The following PDE4D variants were observed in gnomAD, a reference collection of about 807,000 sequenced individuals.
PDE4D encodes 3',5'-cyclic-AMP phosphodiesterase 4D.
Under a neutral mutation model 87.4 loss-of-function variants are expected in PDE4D, and 24 were observed. The ratio of observed to expected loss-of-function variants is 0.27; its 90% CI spans 0.20 to 0.39. PDE4D has a LOEUF of 0.39. PDE4D is among the 10% of genes least tolerant of loss of function. The pLI is 1.00. For missense variants in PDE4D, 714 were observed against 1,041.0 expected (o/e 0.69, Z 4.32); for synonymous variants, 384 against 383.2 (o/e 1.00, Z -0.02).
rs183306455 is a variant in PDE4D at position 59,912,003 on chromosome 5, A to C, written c.272+76485T>G. On this transcript the variant is annotated intron_variant, in intron 3 of 16. Coordinates refer to the PDE4D transcript ENST00000502484. Reference sequence around the variant, plus strand: ...TTATTATTATTTAAATTTTCATAGAATATTCTTTTTCCAAACAATAAAGTA... The same window carrying C: ...TTATTATTATTTAAATTTTCATAGACTATTCTTTTTCCAAACAATAAAGTA... 5.3e-4 allele frequency among the ~76,000 whole-genome samples: 80 copies of C among 152,292 alleles called. 2 individuals are homozygous for C. The highest frequency in any genetic ancestry group is 4.8e-3 in the Admixed American group (74 of 15,290).
chr5:59,806,270 C>A (rs1258616267), intron 1 of PDE4D, among the ~76,000 whole-genome samples: 1 of 152,174 alleles, frequency 6.6e-6, no homozygotes, highest in Non-Finnish European at 1.5e-5. Flanking sequence ...ACCAACTCAC[C>A]TTGGAGCAGA....
At chr5:59,165,426 A>G (rs1781782486) in intron 5 of PDE4D, among the ~76,000 whole-genome samples, 1 of 152,032 alleles carries the variant, frequency 6.6e-6, no homozygotes, top group Admixed American at 6.5e-5. Flanking sequence ...GGTGTGCAAC[A>G]CCATGTCTGG....
At chr5:58,993,661 C>A (rs1031704631) in intron 6 of PDE4D, among the ~76,000 whole-genome samples, 196 bp from the exon 7 acceptor site, 1 of 152,152 alleles carries the variant, frequency 6.6e-6, no homozygotes, top group Non-Finnish European at 1.5e-5. Context: ...ATAGCAGTCA[C>A]TAGCCACAGG....
chr5:60,375,312 G>A (rs958973621), intron 1 of PDE4D, among the ~76,000 whole-genome samples: 1 of 152,222 alleles, frequency 6.6e-6, no homozygotes, highest in Non-Finnish European at 1.5e-5. Flanking sequence ...AAACATTGTT[G>A]AATGAATGAA....
chr5:59,251,578 G>C (rs938618727), intron 1 of PDE4D, among the ~76,000 whole-genome samples: 1 of 152,108 alleles, frequency 6.6e-6, no homozygotes, highest in African/African-American at 2.4e-5. Context: ...ACTTTTGGTG[G>C]GAGTGTAAAT....
At chr5:60,326,732 C>T (rs73106753) in intron 1 of PDE4D, among the ~76,000 whole-genome samples, 8,360 of 152,198 alleles carry the variant, frequency 0.055, 772 homozygotes, top group African/African-American at 0.19. Flanking sequence ...AAAGAACTCA[C>T]AGATTGTTTC....
intron 1 of PDE4D, among the ~76,000 whole-genome samples, chr5:59,817,238 A>G (rs781453265): frequency 6.6e-5 from 10 of 152,182 alleles, no homozygotes; most frequent in Non-Finnish European, 1.3e-4. Context: ...CCTCTCCCTC[A>G]TTTAGATCAC....
chr5:59,276,232 C>T (rs971254624), intron 1 of PDE4D: 2 of 662,592 alleles, frequency 3.0e-6, no homozygotes, highest in East Asian at 1.4e-4. Flanking sequence ...GCACTGTAAA[C>T]CGGCCAAGCA....
chr5:60,434,991 G>C (rs1744649609), intron 1 of PDE4D, among the ~76,000 whole-genome samples: 1 of 152,044 alleles, frequency 6.6e-6, no homozygotes, highest in South Asian at 2.1e-4. Context: ...ACTGACTTAT[G>C]GCATGAAATT....
rs544701952 is a variant in PDE4D at position 59,761,737 on chromosome 5, TACCTCCTGAGGG to T, written c.455+131419_455+131430del. 9.2e-5 allele frequency among the ~76,000 whole-genome samples: 14 copies of T among 152,264 alleles called. No individual in the cohort carries two copies. In the South Asian group the frequency reaches 2.7e-3, roughly 29 times the overall value. On this transcript the variant is annotated intron_variant, in intron 1 of 14. Coordinates refer to ENST00000340635, the MANE Select transcript of PDE4D (RefSeq NM_001104631.2). ...TATGAGAACAATGCCCTCTTCTAGA[TACCTCCTGAGGG>T]ACCTACCTGAGGCTGTTTTATAGTT... is the stretch of plus-strand genomic sequence containing the variant.
intron 1 of PDE4D, among the ~76,000 whole-genome samples, chr5:60,346,815 T>C (rs1758785094): frequency 6.6e-6 from 1 of 152,166 alleles, no homozygotes; most frequent in African/African-American, 2.4e-5. Flanking sequence ...CAATGCTAAT[T>C]AAGTATTCTT....
intron 1 of PDE4D, among the ~76,000 whole-genome samples, chr5:59,494,889 G>A (rs2153661859): frequency 6.6e-6 from 1 of 152,268 alleles, no homozygotes; most frequent in African/African-American, 2.4e-5. Context: ...ATAAATGGAT[G>A]TGTTCTATAC....
At chr5:59,664,295 T>G (rs1475448085) in intron 1 of PDE4D, among the ~76,000 whole-genome samples, 1 of 152,232 alleles carries the variant, frequency 6.6e-6, no homozygotes, top group Non-Finnish European at 1.5e-5. Flanking sequence ...CAAGTTGTCA[T>G]GTTGGTCTAG....
chr5:60,289,470 T>G (rs898737592), intron 1 of PDE4D, among the ~76,000 whole-genome samples: 1 of 152,162 alleles, frequency 6.6e-6, no homozygotes, highest in African/African-American at 2.4e-5. Flanking sequence ...CTAACTTCTG[T>G]TCTGTTTCTC....
At chr5:59,208,820 T>C (rs555607995) in intron 2 of PDE4D, among the ~76,000 whole-genome samples, 85 of 152,184 alleles carry the variant, frequency 5.6e-4, no homozygotes, top group Non-Finnish European at 1.1e-3. Context: ...TAAAGCAGAA[T>C]TTTTAAACAA....
chr5:60,413,953 T>C (rs549634922), intron 1 of PDE4D, among the ~76,000 whole-genome samples: 4 of 151,272 alleles, frequency 2.6e-5, no homozygotes, highest in African/African-American at 7.2e-5. Context: ...AGTTCTAAAA[T>C]AGAAAACAGA....
chr5:59,668,344 C>T (rs1235734266), intron 1 of PDE4D, among the ~76,000 whole-genome samples: 1 of 152,210 alleles, frequency 6.6e-6, no homozygotes, highest in Non-Finnish European at 1.5e-5. Flanking sequence ...ATATTCACCA[C>T]ATGCAGATGA....
intron 3 of PDE4D, among the ~76,000 whole-genome samples, chr5:59,904,665 C>T (rs780519775): frequency 7.2e-5 from 11 of 152,250 alleles, no homozygotes; most frequent in Admixed American, 2.0e-4. Flanking sequence ...AGGCTCCCAG[C>T]ATTAAGGGAA....
chr5:59,010,738 G>C (rs1254335219), intron 6 of PDE4D, among the ~76,000 whole-genome samples: 2 of 152,176 alleles, frequency 1.3e-5, no homozygotes, highest in African/African-American at 2.4e-5. Context: ...CCCAGCATGA[G>C]TGATGCAGAA....
Sources: allele counts gnomAD v4.1 joint callset (sites outside exome capture counted in the v4.1 genomes callset), GRCh38; gene constraint gnomAD v4.1.1; transcripts MANE v1.5; gene names NCBI Gene and HGNC (gene_info 2026-07-23, HGNC 2026-07-21).